Variants in SYNPR observed in about 807,000 individuals in gnomAD.
The protein encoded by SYNPR is synaptoporin.
In SYNPR, 23 loss-of-function variants were observed where a neutral mutation model predicts 32.9. The ratio of observed to expected loss-of-function variants is 0.70; its 90% CI spans 0.50 to 0.99. The LOEUF (loss-of-function observed/expected upper bound fraction) is 0.99, where lower values mean the gene tolerates loss of function less well. Ranked by LOEUF, SYNPR falls within the 50% of genes least tolerant of loss-of-function variation. The probability of loss-of-function intolerance (pLI) is 0.00; values close to 1 mark genes in which losing one functional copy is unlikely to be tolerated. For synonymous variants in SYNPR, 146 were observed against 135.9 expected (o/e 1.07, Z -0.52); for missense variants, 318 against 349.3 (o/e 0.91, Z 0.71).
chr3:63,596,886 T>C (rs2106886217), intron 4 of SYNPR, among the ~76,000 whole-genome samples: 1 of 152,286 alleles, frequency 6.6e-6, no homozygotes, highest in South Asian at 2.1e-4. Flanking sequence ...AGGATAGCAC[T>C]AGTAACATGT....
At chr3:63,608,893 G>C (rs1346926099) in intron 4 of SYNPR, among the ~76,000 whole-genome samples, 1 of 151,500 alleles carries the variant, frequency 6.6e-6, no homozygotes, top group East Asian at 1.9e-4. Context: ...ATCATTCCTG[G>C]GATATAGTAA....
At chr3:63,438,753 A>G (rs1489136134) in intron 2 of SYNPR, among the ~76,000 whole-genome samples, 4 of 152,220 alleles carry the variant, frequency 2.6e-5, no homozygotes, top group East Asian at 1.9e-4. Flanking sequence ...AGGCACCATT[A>G]AAGATTTCAA....
At chr3:63,447,004 G>A (rs935793) in intron 2 of SYNPR, among the ~76,000 whole-genome samples, 121,885 of 152,060 alleles carry the variant, frequency 0.8, 48,868 homozygotes, top group East Asian at 0.9. Flanking sequence ...TCAATTCTGG[G>A]TTATGTCTTT....
At chr3:63,211,586 A>T in the SYNPR span, among the ~76,000 whole-genome samples, 4 of 152,190 alleles carry the variant, frequency 2.6e-5, no homozygotes, top group Admixed American at 6.5e-5. Context: ...AGGACTTTAG[A>T]GAGCTCAAGC....
intron 4 of SYNPR, among the ~76,000 whole-genome samples, chr3:63,577,234 A>G (rs1392992539): frequency 1.3e-5 from 2 of 152,218 alleles, no homozygotes; most frequent in Non-Finnish European, 2.9e-5. Context: ...GTTTACATTC[A>G]GATCTTAGAA....
intron 4 of SYNPR, among the ~76,000 whole-genome samples, chr3:63,589,476 C>T (rs1411321393): frequency 6.6e-6 from 1 of 151,920 alleles, no homozygotes; most frequent in African/African-American, 2.4e-5. Context: ...ATGAGTAAAC[C>T]CCAAAGCCGG....
chr3:63,462,200 C>A (rs117845445), intron 2 of SYNPR, among the ~76,000 whole-genome samples: 3 of 152,192 alleles, frequency 2.0e-5, no homozygotes, highest in African/African-American at 7.2e-5. Context: ...TTGGGCCAGA[C>A]AGACCCTTCC....
chr3:63,418,340 G>C (rs1177307054), intron 2 of SYNPR, among the ~76,000 whole-genome samples: 2 of 152,108 alleles, frequency 1.3e-5, no homozygotes, highest in East Asian at 3.9e-4. Flanking sequence ...TCAGCAATTT[G>C]GTCAAAGCCA....
At chr3:63,494,393 TTATATATATA>T (rs60624781) in intron 3 of SYNPR, among the ~76,000 whole-genome samples, 1 of 54,954 alleles carries the variant, frequency 1.8e-5, no homozygotes, top group African/African-American at 6.5e-5. Flanking sequence ...ATGTTAATTC[TTATATATATA>T]TATATATATA....
intron 3 of SYNPR, among the ~76,000 whole-genome samples, chr3:63,515,421 G>A (rs1262370343): frequency 1.3e-5 from 2 of 152,062 alleles, no homozygotes; most frequent in African/African-American, 4.8e-5. Flanking sequence ...GTGCTAAGTG[G>A]AATTGTCATA....
At chr3:63,373,614 G>A (rs531819920) in intron 2 of SYNPR, among the ~76,000 whole-genome samples, 1 of 152,150 alleles carries the variant, frequency 6.6e-6, no homozygotes, top group Non-Finnish European at 1.5e-5. Context: ...CATTGGTAAC[G>A]TTGAAAGTGA....
chr3:63,470,710 C>T (rs1403320482), intron 2 of SYNPR, among the ~76,000 whole-genome samples: 1 of 152,080 alleles, frequency 6.6e-6, no homozygotes, highest in East Asian at 1.9e-4. Context: ...TTCCTCTTGC[C>T]CACCTCCCCT....
intron 2 of SYNPR, among the ~76,000 whole-genome samples, chr3:63,440,865 G>A (rs1469569650): frequency 6.6e-6 from 1 of 152,170 alleles, no homozygotes; most frequent in Non-Finnish European, 1.5e-5. Flanking sequence ...GAAACCAGCA[G>A]GGCCTGAGCG....
At chr3:63,526,146 G>T (rs1248926766) in intron 3 of SYNPR, among the ~76,000 whole-genome samples, 3 of 152,288 alleles carry the variant, frequency 2.0e-5, no homozygotes, top group Admixed American at 6.5e-5. Context: ...CCCCCACAAG[G>T]CTCCACTACC....
chr3:63,515,461 A>T (rs1701778467), intron 3 of SYNPR, among the ~76,000 whole-genome samples: 1 of 152,070 alleles, frequency 6.6e-6, no homozygotes, highest in Non-Finnish European at 1.5e-5. Context: ...ACATCACCCT[A>T]ATCAGCTACT....
Position 63,576,885 on chromosome 3 carries a change from G to A in SYNPR, c.408+20144G>A, listed in dbSNP as rs182285089. On this transcript the variant is annotated intron_variant, in intron 4 of 5. Transcript: ENST00000478300. ...AATCATTAGTAAACATGTTGACCAG[G>A]ACAAAGGTGGACCTCAGAAACCTGT... 4.3e-4 allele frequency among the ~76,000 whole-genome samples: 65 copies of A among 152,150 alleles called. 1 individual carries two copies. The highest frequency in any genetic ancestry group is 4.3e-3 in the Admixed American group (65 of 15,266).
At chr3:63,580,829 A>G (rs754967648) in intron 4 of SYNPR, among the ~76,000 whole-genome samples, 4 of 152,186 alleles carry the variant, frequency 2.6e-5, no homozygotes, top group Non-Finnish European at 5.9e-5. Context: ...ATCTGGAAAT[A>G]ACGTTAACGG....
At chr3:63,588,631 C>A (rs1005818210) in intron 4 of SYNPR, among the ~76,000 whole-genome samples, 3 of 152,200 alleles carry the variant, frequency 2.0e-5, no homozygotes, top group Middle Eastern at 3.4e-3. Context: ...CAAATTTATT[C>A]TTTTCCCAGT....
chr3:63,480,548 T>C (rs1436964636), intron 2 of SYNPR, among the ~76,000 whole-genome samples: 1 of 152,200 alleles, frequency 6.6e-6, no homozygotes, highest in East Asian at 1.9e-4. Flanking sequence ...CTCTCCCCTC[T>C]GAGACACGAC....
Sources: gnomAD v4.1 joint callset for allele counts (sites outside exome capture counted in the v4.1 genomes callset) on GRCh38, gnomAD v4.1.1 for gene constraint, MANE v1.5 for transcripts, NCBI Gene and HGNC (gene_info 2026-07-23, HGNC 2026-07-21) for gene names.